Variants in PLCH1 observed in about 807,000 individuals in gnomAD.
PLCH1 encodes 1-phosphatidylinositol 4,5-bisphosphate phosphodiesterase eta-1.
In PLCH1, 60 loss-of-function variants were observed where a neutral mutation model predicts 126.7. That is an observed-to-expected ratio of 0.47 (90% CI 0.38 to 0.59). PLCH1 has a LOEUF of 0.59. Among genes scored for constraint, PLCH1 ranks in the 20% least tolerant of loss-of-function variants. The pLI is 0.00. For missense variants in PLCH1, 1,723 were observed against 2,040.0 expected, an observed-to-expected ratio of 0.84 and a Z score of 2.99; for synonymous variants, 719 against 734.9, an observed-to-expected ratio of 0.98 and a Z score of 0.35.
intron 5 of PLCH1, among the ~76,000 whole-genome samples, chr3:155,584,693 A>T (rs902349447): frequency 2.6e-5 from 4 of 152,254 alleles, no homozygotes; most frequent in Non-Finnish European, 4.4e-5. Flanking sequence ...CTCAACTGTT[A>T]TATGGTATTA....
At chr3:155,532,494 T>C (rs879894004) in intron 10 of PLCH1, among the ~76,000 whole-genome samples, 16 of 152,092 alleles carry the variant, frequency 1.1e-4, no homozygotes, top group Non-Finnish European at 2.4e-4. Context: ...ATCCCCATAA[T>C]ACCCACGTGA....
chr3:155,509,457 T>G (rs1352875773), intron 12 of PLCH1, among the ~76,000 whole-genome samples: 1 of 29,114 alleles, frequency 3.4e-5, no homozygotes, highest in East Asian at 7.9e-4. Context: ...AGGGTGTCAA[T>G]TTTGGATCTT....
At chr3:155,543,415 G>A (rs543259016) in intron 10 of PLCH1, among the ~76,000 whole-genome samples, 85 of 152,286 alleles carry the variant, frequency 5.6e-4, no homozygotes, top group Non-Finnish European at 1.0e-3. Flanking sequence ...CGTCTGATTG[G>A]TGTACCTGAA....
At chr3:155,547,382 AG>A (rs1725485592) in intron 10 of PLCH1, among the ~76,000 whole-genome samples, 1 of 147,248 alleles carries the variant, frequency 6.8e-6, no homozygotes. Flanking sequence ...TTAAAAAGTC[AG>A]GAAACAACAG....
In PLCH1 at chr3:155,630,492, T is replaced by C. The variant is rs75533679; in HGVS notation, c.80-34114A>G. Among the ~76,000 whole-genome samples the C allele has an allele frequency of 2.0e-5, 3 of 152,334 alleles. No homozygotes were observed. The East Asian group carries it at 5.8e-4, about 29-fold the overall frequency. On this transcript the variant is annotated intron_variant, in intron 2 of 22. Transcript: ENST00000460012. ...CAAAATATCTTCCAGAACTTCAAGT[T>C]TCAAAATAGATAAACTTCCTAAATC... is the stretch of plus-strand genomic sequence containing the variant.
intron 2 of PLCH1, among the ~76,000 whole-genome samples, chr3:155,638,605 T>C (rs576204579): frequency 6.6e-6 from 1 of 152,342 alleles, no homozygotes; most frequent in South Asian, 2.1e-4. Context: ...GAATGTTTAT[T>C]TGTGAAGTCT....
At chr3:155,483,391 G>A (rs778363378) in intron 22 of PLCH1, 1 of 1,537,256 alleles carries the variant, frequency 6.5e-7, no homozygotes, top group Non-Finnish European at 8.8e-7. Context: ...ACAGAAGCAT[G>A]GCAATAGAAA....
chr3:155,528,526 C>T (rs780175375), intron 10 of PLCH1, among the ~76,000 whole-genome samples: 22 of 152,118 alleles, frequency 1.4e-4, no homozygotes, highest in Non-Finnish European at 2.4e-4. Flanking sequence ...GGTACCATGG[C>T]AGACAGCAAG....
At chr3:155,719,686 TA>T (rs1747797905) in intron 1 of PLCH1, among the ~76,000 whole-genome samples, 1 of 151,648 alleles carries the variant, frequency 6.6e-6, no homozygotes, top group South Asian at 2.1e-4. Flanking sequence ...ACTTTTGTTT[TA>T]GTAAAAAAAA....
intron 2 of PLCH1, among the ~76,000 whole-genome samples, chr3:155,627,615 CAG>C (rs1193652280): frequency 7.0e-6 from 1 of 143,850 alleles, no homozygotes; most frequent in Non-Finnish European, 1.5e-5. Flanking sequence ...GATTGGACGA[CAG>C]AGCAAGACTC....
At chr3:155,722,200 G>C (rs1748000893) in intron 1 of PLCH1, among the ~76,000 whole-genome samples, 1 of 151,774 alleles carries the variant, frequency 6.6e-6, no homozygotes, top group African/African-American at 2.4e-5. Context: ...TTTCGCTCCT[G>C]TTGCCCAGGC....
At chr3:155,704,077 T>A (rs1211227405) in intron 2 of PLCH1, 69 bp downstream of exon 2, 1 of 581,560 alleles carries the variant, frequency 1.7e-6, no homozygotes, top group African/African-American at 1.9e-5. Flanking sequence ...GCATCTAGAG[T>A]GCTAGAATAA....
chr3:155,492,468 T>C (rs1716369443), intron 18 of PLCH1, among the ~76,000 whole-genome samples: 1 of 152,210 alleles, frequency 6.6e-6, no homozygotes, highest in Non-Finnish European at 1.5e-5. Flanking sequence ...TAATTGTCTT[T>C]GCACTCCAAT....
Position 155,494,548 on chromosome 3 carries a change from T to C in PLCH1, c.1895-31A>G, listed in dbSNP as rs570991128. 4 of 1,552,570 alleles carry C rather than the reference T, an allele frequency of 2.6e-6. No homozygotes were observed. In the African/African-American group the frequency reaches 4.1e-5, roughly 16 times the overall value. On this transcript the variant is annotated intron_variant, in intron 15 of 22. Coordinates refer to ENST00000460012, the MANE Select transcript of PLCH1 (RefSeq NM_014996.4). ...AGTTTTTAATCGAGAAAAAAGGAAG[T>C]GAGAACTACAGCAAAGAAAACACCA...
At chr3:155,638,419 CT>C (rs1458909410) in intron 2 of PLCH1, among the ~76,000 whole-genome samples, 2 of 152,176 alleles carry the variant, frequency 1.3e-5, no homozygotes, top group African/African-American at 4.8e-5. Flanking sequence ...TTTAAGCCTG[CT>C]ATAAGAGAGA....
chr3:155,643,604 T>C (rs937951348), intron 2 of PLCH1, among the ~76,000 whole-genome samples: 3 of 152,198 alleles, frequency 2.0e-5, no homozygotes, highest in African/African-American at 7.2e-5. Context: ...TATCGTAACA[T>C]AGTTCCCCTG....
chr3:155,708,082 A>T (rs188631797), intron 1 of PLCH1, among the ~76,000 whole-genome samples: 329 of 152,316 alleles, frequency 2.2e-3, no homozygotes, highest in Non-Finnish European at 3.5e-3. Context: ...ATAAGACTTT[A>T]CATCAGTGAG....
Position 155,485,456 on chromosome 3 carries a change from T to C in PLCH1, c.2874A>G (p.Ala958=), listed in dbSNP as rs1266114892. 1.2e-6 allele frequency: 2 copies of C among 1,614,120 alleles called. No homozygotes were observed. The highest frequency in any genetic ancestry group is 1.1e-5 in the South Asian group (1 of 91,074). The change falls in exon 22 of 23, where the codon GCA becomes GCG. Residue 958 remains alanine (A), a synonymous_variant. Transcript: ENST00000460012. ...VLRRTTRSLQ[A]RPVSMPVDRN... ...TGTCAACAGGCATAGAGACAGGGCG[T>C]GCTTGCAAACTGCGTGTGGTCCTCC...
At chr3:155,702,670 AAAT>A (rs140611768) in intron 2 of PLCH1, among the ~76,000 whole-genome samples, 12,131 of 152,228 alleles carry the variant, frequency 0.08, 579 homozygotes, top group African/African-American at 0.13. Context: ...AAAATAATGA[AAAT>A]AATAATGAGT....
Sources: allele counts gnomAD v4.1 joint callset (sites outside exome capture counted in the v4.1 genomes callset), GRCh38; gene constraint gnomAD v4.1.1; transcripts MANE v1.5; gene names NCBI Gene and HGNC (gene_info 2026-07-23, HGNC 2026-07-21).